The following PDE10A variants were observed in gnomAD, a reference collection of about 807,000 sequenced individuals.
PDE10A encodes cAMP and cAMP-inhibited cGMP 3',5'-cyclic phosphodiesterase 10A.
A neutral mutation model predicts 97.7 loss-of-function variants in PDE10A; 39 were observed. The observed-to-expected ratio is 0.40, with a 90% confidence interval of 0.31 to 0.52. The LOEUF (loss-of-function observed/expected upper bound fraction) is 0.52, where lower values mean the gene tolerates loss of function less well. Ranked by LOEUF, PDE10A falls within the 20% of genes least tolerant of loss-of-function variation. PDE10A has a pLI of 0.56. For synonymous variants in PDE10A, 371 were observed against 376.8 expected, an observed-to-expected ratio of 0.98 and a Z score of 0.18; for missense variants, 731 against 1,047.8, an observed-to-expected ratio of 0.70 and a Z score of 4.17.
chr6:165,963,371 C>G (rs929733894), intron 1 of PDE10A, among the ~76,000 whole-genome samples: 1 of 152,188 alleles, frequency 6.6e-6, no homozygotes, highest in Non-Finnish European at 1.5e-5. Context: ...TTACACAGGC[C>G]TAGTAGGAGC....
intron 1 of PDE10A, among the ~76,000 whole-genome samples, chr6:165,824,737 T>C (rs6911515): frequency 0.53 from 80,479 of 151,960 alleles, 22,728 homozygotes; most frequent in Middle Eastern, 0.64. Flanking sequence ...CATGTTTTTC[T>C]TTCAGGACAA....
In PDE10A at chr6:165,385,682, C is replaced by T. The variant is rs575493551; in HGVS notation, c.2610+2616G>A. On this transcript the variant is annotated intron_variant, in intron 17 of 21. Transcript: ENST00000539869. ...TCCAAAAAAACACTCAGAGAAGTAT[C>T]ATGAGGATTACTGCAAAATCAGCCA... is the stretch of plus-strand genomic sequence containing the variant. Among the ~76,000 whole-genome samples, 3 of 152,346 alleles carry T rather than the reference C, an allele frequency of 2.0e-5. No individual in the cohort carries two copies. The South Asian group carries it at 6.2e-4, about 32-fold the overall frequency.
chr6:165,552,794 G>A (rs1335535430), intron 1 of PDE10A, among the ~76,000 whole-genome samples: 3 of 152,132 alleles, frequency 2.0e-5, no homozygotes, highest in African/African-American at 7.2e-5. Context: ...CCAAACTGAG[G>A]GGTAATTCTG....
At chr6:165,513,642 G>A (rs546422170) in intron 2 of PDE10A, among the ~76,000 whole-genome samples, 7 of 152,162 alleles carry the variant, frequency 4.6e-5, no homozygotes, top group African/African-American at 1.7e-4. Context: ...TTGTTATCCA[G>A]ACAATTCATA....
At chr6:165,459,872 T>C (rs1168817254) in intron 3 of PDE10A, among the ~76,000 whole-genome samples, 2 of 151,820 alleles carry the variant, frequency 1.3e-5, no homozygotes, top group Admixed American at 6.6e-5. Context: ...TAAAAAAGAA[T>C]GTAGAAAAAA....
chr6:165,459,814 T>C (rs1778211053), intron 3 of PDE10A, among the ~76,000 whole-genome samples: 1 of 152,020 alleles, frequency 6.6e-6, no homozygotes, highest in African/African-American at 2.4e-5. Context: ...ATAAAGGAAA[T>C]ACTACGTTTC....
At chr6:165,687,356 A>G (rs1791149893) in intron 1 of PDE10A, among the ~76,000 whole-genome samples, 1 of 152,252 alleles carries the variant, frequency 6.6e-6, no homozygotes, top group Admixed American at 6.5e-5. Context: ...ACGGTTCCTT[A>G]ACATGAAGGT....
chr6:165,710,365 G>T (rs538636048), intron 1 of PDE10A, among the ~76,000 whole-genome samples: 1 of 152,160 alleles, frequency 6.6e-6, no homozygotes, highest in Non-Finnish European at 1.5e-5. Flanking sequence ...CTTGCGTAGC[G>T]CTCTCACCTA....
intron 1 of PDE10A, among the ~76,000 whole-genome samples, chr6:165,706,295 A>G (rs1177859065): frequency 2.0e-5 from 3 of 152,200 alleles, no homozygotes; most frequent in Non-Finnish European, 2.9e-5. Flanking sequence ...CCTTAATCCT[A>G]TGCTTACTAA....
intron 18 of PDE10A, among the ~76,000 whole-genome samples, chr6:165,348,683 T>C (rs1393400342): frequency 6.6e-6 from 1 of 152,184 alleles, no homozygotes; most frequent in Non-Finnish European, 1.5e-5. Context: ...TCTGATATAG[T>C]TGTCCCCCAC....
At chr6:165,921,816 C>T (rs762056232) in intron 1 of PDE10A, among the ~76,000 whole-genome samples, 2 of 152,150 alleles carry the variant, frequency 1.3e-5, no homozygotes, top group Non-Finnish European at 2.9e-5. Context: ...GTCTTGTGGG[C>T]TCTTGAAAGA....
chr6:165,484,158 A>T (rs540987349), intron 2 of PDE10A, among the ~76,000 whole-genome samples: 1 of 152,360 alleles, frequency 6.6e-6, no homozygotes, highest in South Asian at 2.1e-4. Context: ...TGTGTAAGGG[A>T]ACATTGCCTC....
At chr6:165,815,503 G>A (rs1434817385) in intron 1 of PDE10A, among the ~76,000 whole-genome samples, 1 of 152,176 alleles carries the variant, frequency 6.6e-6, no homozygotes, top group Non-Finnish European at 1.5e-5. Flanking sequence ...GACATTATGA[G>A]TCCTGAGTTA....
At chr6:165,625,193 T>G (rs1032357613) in intron 1 of PDE10A, among the ~76,000 whole-genome samples, 1 of 152,138 alleles carries the variant, frequency 6.6e-6, no homozygotes, top group Non-Finnish European at 1.5e-5. Context: ...GCCACAGAAG[T>G]GAGACAGCTG....
chr6:165,861,884 G>A (rs191012926), intron 1 of PDE10A, among the ~76,000 whole-genome samples: 2 of 152,146 alleles, frequency 1.3e-5, no homozygotes, highest in Non-Finnish European at 2.9e-5. Flanking sequence ...AGACAGAAAG[G>A]GTTTTTGCTT....
chr6:165,619,768 A>G (rs1048573977), intron 1 of PDE10A, among the ~76,000 whole-genome samples: 1 of 115,346 alleles, frequency 8.7e-6, no homozygotes, highest in Non-Finnish European at 1.7e-5. Context: ...TGTAGTGTAG[A>G]CTAGTGTAGC....
At chr6:165,856,347 C>G (rs1780734362) in intron 1 of PDE10A, among the ~76,000 whole-genome samples, 1 of 152,198 alleles carries the variant, frequency 6.6e-6, no homozygotes. Flanking sequence ...GTGTCACCAG[C>G]CCTTCTGGTA....
intron 1 of PDE10A, among the ~76,000 whole-genome samples, chr6:165,900,813 T>C (rs140022329): frequency 6.6e-6 from 1 of 152,324 alleles, no homozygotes; most frequent in Non-Finnish European, 1.5e-5. Flanking sequence ...CTATCCAACA[T>C]ACTCTCATAG....
chr6:165,348,275 A>C (rs1782449530), intron 18 of PDE10A, among the ~76,000 whole-genome samples: 1 of 152,200 alleles, frequency 6.6e-6, no homozygotes, highest in Non-Finnish European at 1.5e-5. Context: ...GAAAGTAAAA[A>C]TTTTAAAAAC....
Sources: allele counts gnomAD v4.1 joint callset (sites outside exome capture counted in the v4.1 genomes callset), GRCh38; gene constraint gnomAD v4.1.1; transcripts MANE v1.5; gene names NCBI Gene and HGNC (gene_info 2026-07-23, HGNC 2026-07-21).